The following SF3A3 variants were observed in gnomAD, a reference collection of about 807,000 sequenced individuals.
SF3A3 encodes the protein SAP 61.
In SF3A3, 9 loss-of-function variants were observed where a neutral mutation model predicts 85.8. The observed-to-expected ratio is 0.10, with a 90% CI of 0.06 to 0.18. The LOEUF (loss-of-function observed/expected upper bound fraction) is 0.18. Among genes scored for constraint, SF3A3 ranks in the 10% least tolerant of loss-of-function variants. SF3A3 has a pLI of 1.00. For missense variants in SF3A3, 306 were observed against 593.3 expected (o/e 0.52, Z 5.03); for synonymous variants, 195 against 204.4 (o/e 0.95, Z 0.39).
intron 15 of SF3A3, 23 bp from the exon 16 acceptor site, chr1:37,960,198 C>A (rs1646247625): frequency 2.5e-6 from 4 of 1,611,150 alleles, no homozygotes; most frequent in Non-Finnish European, 3.4e-6. Context: ...AAATGAACAG[C>A]AATCAGGATG....
chr1:37,971,580 C>T (rs1308289383), intron 12 of SF3A3, among the ~76,000 whole-genome samples: 1 of 152,148 alleles, frequency 6.6e-6, no homozygotes, highest in Non-Finnish European at 1.5e-5. Context: ...GACAATATCC[C>T]TGATGAACAT....
intron 11 of SF3A3, 74 bp from the exon 12 acceptor site, chr1:37,977,027 T>C: frequency 1.0e-6 from 1 of 987,990 alleles, no homozygotes; most frequent in Non-Finnish European, 1.6e-6. Context: ...TCTGGGAACA[T>C]TTATTGCACA....
In SF3A3 at chr1:37,980,601, G is replaced by T; in HGVS notation, c.675C>A (p.Thr225=). ...AEFEKKWENG[T]FPGWPKETSS... is the part of the protein sequence containing the mutation. ...TGAAGCTCACCGGCCATCCAGGAAA[G>T]GTCCCATTCTCCCATTTCTTCTCAA... The change falls in exon 8 of 17, where the codon ACC becomes ACA. Residue 225 remains threonine, a synonymous_variant. Transcript: ENST00000373019. The T allele has an allele frequency of 6.2e-7, 1 of 1,613,902 alleles. No individual in the cohort carries two copies. The highest frequency in any genetic ancestry group is 1.1e-5 in the South Asian group (1 of 91,070).
At chr1:37,967,995 G>T in intron 15 of SF3A3, 49 bp downstream of exon 15, 1 of 1,138,838 alleles carries the variant, frequency 8.8e-7, no homozygotes, top group Non-Finnish European at 1.3e-6. Context: ...AATTGAAGGA[G>T]TAGAGCCATT....
intron 7 of SF3A3, 23 bp from the exon 8 acceptor site, chr1:37,980,747 G>C (rs1459462045): frequency 1.9e-6 from 3 of 1,553,486 alleles, no homozygotes; most frequent in Non-Finnish European, 1.7e-6. Context: ...ACACAATGCA[G>C]ACAAAGCAAA....
Position 37,980,441 on chromosome 1 carries a change from A to AGCATAC in SF3A3, c.690+139_690+144dup, listed in dbSNP as rs1018569155. 3 of 815,112 alleles carry AGCATAC rather than the reference A, an allele frequency of 3.7e-6. No individual in the cohort carries two copies. In the African/African-American group the frequency reaches 5.2e-5, roughly 14 times the overall value. 50.5% of individuals were successfully genotyped at this position (815,112 alleles called of 1,614,324 possible). On this transcript the variant is annotated intron_variant, in intron 8 of 16. Coordinates refer to ENST00000373019, the MANE Select transcript of SF3A3 (RefSeq NM_006802.4). Reference sequence around the variant, plus strand: ...CTCCGTCTCCAAAAAAAAAAAACATAGCATACTTGGCAGGGAATACCTCAT... The same window carrying AGCATAC: ...CTCCGTCTCCAAAAAAAAAAAACATAGCATACGCATACTTGGCAGGGAATACCTCAT...
At chr1:37,978,386 C>G (rs1201294705) in intron 11 of SF3A3, among the ~76,000 whole-genome samples, 1 of 151,468 alleles carries the variant, frequency 6.6e-6, no homozygotes, top group Non-Finnish European at 1.5e-5. Context: ...GTATGTAGCT[C>G]AAGAATTAGA....
chr1:37,969,874 CCTT>C, intron 12 of SF3A3, 139 bp from the exon 13 acceptor site: 1 of 911,196 alleles, frequency 1.1e-6, no homozygotes, highest in Non-Finnish European at 1.6e-6. Context: ...GAAAATCTTG[CCTT>C]CATATCAGAA....
intron 15 of SF3A3, among the ~76,000 whole-genome samples, chr1:37,965,286 G>GGT (rs1453509920): frequency 3.4e-5 from 3 of 88,450 alleles, no homozygotes; most frequent in South Asian, 3.4e-4. Flanking sequence ...GGCAACATAA[G>GGT]GAAACCCCAT....
At chr1:37,982,457 A>G (rs1646425989) in intron 6 of SF3A3, among the ~76,000 whole-genome samples, 1 of 150,100 alleles carries the variant, frequency 6.7e-6, no homozygotes, top group Non-Finnish European at 1.5e-5. Context: ...CACAACCTCC[A>G]CCTCATGGGT....
Position 37,978,725 on chromosome 1 carries a change from G to A in SF3A3, c.930C>T (p.Thr310=), listed in dbSNP as rs1289664021. The change falls in exon 11 of 17, where the codon ACC becomes ACT. Residue 310 remains threonine (T), a synonymous_variant. Transcript: ENST00000373019. ...LFAKNPKSKG[T]KRDTERNKDI... ...GTGCTACCCCAGCCACTCACCGCTT[G>A]GTGCCCTTTGACTTGGGATTTTTGG... 2.1e-5 allele frequency: 33 copies of A among 1,556,172 alleles called. No individual in the cohort carries two copies. The highest frequency in any genetic ancestry group is 2.9e-5 in the Non-Finnish European group (33 of 1,148,304).
chr1:37,985,422 T>A (rs1049352995), intron 4 of SF3A3, among the ~76,000 whole-genome samples: 36 of 148,150 alleles, frequency 2.4e-4, no homozygotes, highest in East Asian at 1.0e-3. Flanking sequence ...GTTTTTTTTT[T>A]AAATCCTGAT....
intron 16 of SF3A3, among the ~76,000 whole-genome samples, chr1:37,959,068 C>T (rs1646238782): frequency 6.6e-6 from 1 of 151,006 alleles, no homozygotes; most frequent in Non-Finnish European, 1.5e-5. Context: ...CTTGCCATTT[C>T]AACTTTTTTT....
intron 16 of SF3A3, among the ~76,000 whole-genome samples, chr1:37,959,199 C>T (rs28587936): frequency 0.035 from 5,276 of 151,642 alleles, 308 homozygotes; most frequent in African/African-American, 0.12. Context: ...CTGCTTCAGC[C>T]TCCTGAACAG....
intron 8 of SF3A3, 149 bp downstream of exon 8, chr1:37,980,437 A>AT: frequency 1.2e-6 from 1 of 821,246 alleles, no homozygotes; most frequent in Non-Finnish European, 1.8e-6. Context: ...AAAAAAAAAA[A>AT]CATAGCATAC....
intron 4 of SF3A3, among the ~76,000 whole-genome samples, chr1:37,985,431 A>T (rs543862215): frequency 1.3e-5 from 2 of 150,602 alleles, no homozygotes; most frequent in South Asian, 4.3e-4. Flanking sequence ...TTAAATCCTG[A>T]TGCACCTGAT....
chr1:37,986,467 T>C (rs566485921), intron 4 of SF3A3, among the ~76,000 whole-genome samples: 14 of 152,274 alleles, frequency 9.2e-5, no homozygotes, highest in Admixed American at 7.2e-4. Flanking sequence ...ACCTTTCTGA[T>C]GGAAGCCTTC....
At chr1:37,989,640 G>C (rs762085863) in intron 1 of SF3A3, 45 bp from the exon 2 acceptor site, 93 of 1,607,702 alleles carry the variant, frequency 5.8e-5, no homozygotes, top group Middle Eastern at 5.0e-4. Context: ...TTTGCGTTCT[G>C]GAGTAGAAAA....
intron 11 of SF3A3, among the ~76,000 whole-genome samples, chr1:37,978,241 A>G (rs1422977187): frequency 6.6e-6 from 1 of 151,566 alleles, no homozygotes; most frequent in African/African-American, 2.4e-5. Context: ...CAGGAGGCTG[A>G]GGCAGGAAAA....
Sources: allele counts gnomAD v4.1 joint callset (sites outside exome capture counted in the v4.1 genomes callset), GRCh38; gene constraint gnomAD v4.1.1; transcripts MANE v1.5; gene names NCBI Gene and HGNC (gene_info 2026-07-23, HGNC 2026-07-21).